The following DCC variants were observed in gnomAD, a reference collection of about 807,000 sequenced individuals.
DCC encodes DCC netrin 1 receptor, also known as netrin receptor DCC.
DCC carries 58 observed loss-of-function variants against 172.5 expected under a neutral mutation model. The ratio of observed to expected loss-of-function variants is 0.34; its 90% confidence interval spans 0.27 to 0.42. The LOEUF (loss-of-function observed/expected upper bound fraction) is 0.42. DCC is among the 10% of genes least tolerant of loss of function. The pLI is 1.00. For synonymous variants in DCC, 709 were observed against 644.5 expected (o/e 1.10, Z -1.52); for missense variants, 1,740 against 1,791.0 (o/e 0.97, Z 0.51).
At chr18:53,357,915 A>G (rs1568079891) in intron 15 of DCC, among the ~76,000 whole-genome samples, 1 of 152,206 alleles carries the variant, frequency 6.6e-6, no homozygotes, top group Non-Finnish European at 1.5e-5. Flanking sequence ...ATTATTTTAT[A>G]ATTTCACGAT....
chr18:52,508,847 A>G (rs1317723804), intron 1 of DCC, among the ~76,000 whole-genome samples: 2 of 152,210 alleles, frequency 1.3e-5, no homozygotes, highest in African/African-American at 4.8e-5. Flanking sequence ...AAAAGGCTAT[A>G]AGAGGGAAGA....
chr18:53,253,630 A>G (rs1423804128), intron 12 of DCC, among the ~76,000 whole-genome samples: 1 of 152,064 alleles, frequency 6.6e-6, no homozygotes, highest in Non-Finnish European at 1.5e-5. Flanking sequence ...AAAATCACTA[A>G]TTAACTATTC....
chr18:53,486,385 C>G (rs561169142), intron 25 of DCC, among the ~76,000 whole-genome samples: 2 of 152,084 alleles, frequency 1.3e-5, no homozygotes, highest in Non-Finnish European at 2.9e-5. Flanking sequence ...ATGGAAAATT[C>G]CCAACATTTT....
At chr18:53,276,801 G>A (rs757797809) in intron 12 of DCC, among the ~76,000 whole-genome samples, 7 of 152,112 alleles carry the variant, frequency 4.6e-5, no homozygotes, top group Non-Finnish European at 7.4e-5. Context: ...TGGGTTTAAG[G>A]TAGTAAAGAA....
At chr18:53,139,903 C>A (rs999017313) in intron 7 of DCC, among the ~76,000 whole-genome samples, 1 of 152,172 alleles carries the variant, frequency 6.6e-6, no homozygotes, top group Non-Finnish European at 1.5e-5. Context: ...TTGAGTCAGT[C>A]ACCAAGGAGG....
At chr18:52,549,373 C>T (rs2032700880) in intron 1 of DCC, among the ~76,000 whole-genome samples, 1 of 151,992 alleles carries the variant, frequency 6.6e-6, no homozygotes, top group South Asian at 2.1e-4. Flanking sequence ...CATGCAGTTG[C>T]TATTCTCTTA....
chr18:53,272,482 G>T (rs1568404843), intron 12 of DCC, among the ~76,000 whole-genome samples: 1 of 152,080 alleles, frequency 6.6e-6, no homozygotes, highest in Non-Finnish European at 1.5e-5. Context: ...TTTCAAAGAG[G>T]TATGCGTATT....
chr18:53,126,241 CTTG>C (rs1416337010), intron 7 of DCC, among the ~76,000 whole-genome samples: 1 of 152,048 alleles, frequency 6.6e-6, no homozygotes, highest in Non-Finnish European at 1.5e-5. Context: ...CATAAGACTT[CTTG>C]TTGTAAGCAT....
intron 1 of DCC, among the ~76,000 whole-genome samples, chr18:52,700,824 G>C (rs549472800): frequency 2.2e-4 from 34 of 152,324 alleles, no homozygotes; most frequent in African/African-American, 8.2e-4. Flanking sequence ...CCAGGACAGA[G>C]AGTAATTGTT....
chr18:53,247,328 G>A (rs921986437), intron 12 of DCC, among the ~76,000 whole-genome samples: 9 of 152,082 alleles, frequency 5.9e-5, no homozygotes, highest in African/African-American at 1.4e-4. Flanking sequence ...AGAAGACACC[G>A]TGTGGTGAGT....
At position 53,450,587 on chromosome 18, in the gene DCC, T is replaced by C. The variant is rs769699605; in HGVS notation, c.3317T>C (p.Val1106Ala). The C allele has an allele frequency of 1.1e-5, 18 of 1,612,300 alleles. No homozygotes were observed. In the East Asian group the frequency reaches 2.9e-4, roughly 26 times the overall value. Reference protein sequence around the residue: ...SNLLVIIVVTVGVITVLVVVI... With the variant: ...SNLLVIIVVTAGVITVLVVVI... ...CTGCTTGTGATCATTGTGGTCACCG[T>C]TGGTGTCATCACAGTGCTGGTAGTG... The change falls in exon 23 of 29, where the codon GTT becomes GCT. Residue 1106 changes from valine (V) to alanine (A), a missense_variant. Physicochemically the swap from Val to Ala is moderately conservative, Grantham distance 64. Coordinates refer to ENST00000442544, the MANE Select transcript of DCC (RefSeq NM_005215.4).
intron 2 of DCC, among the ~76,000 whole-genome samples, chr18:52,771,866 C>T (rs1402121032): frequency 3.4e-5 from 2 of 59,566 alleles, no homozygotes; most frequent in Admixed American, 4.9e-4. Flanking sequence ...TCTGTAGAAA[C>T]TTGTGAAAAA....
At chr18:53,309,023 C>T (rs1317509408) in intron 13 of DCC, among the ~76,000 whole-genome samples, 1 of 151,948 alleles carries the variant, frequency 6.6e-6, no homozygotes. Context: ...TCTGTGTTCT[C>T]TCCTCTTCCT....
intron 2 of DCC, among the ~76,000 whole-genome samples, chr18:52,901,347 C>T (rs6508176): frequency 0.41 from 62,365 of 151,856 alleles, 13,495 homozygotes; most frequent in South Asian, 0.65. Context: ...GTAGGAGAAT[C>T]GCTTGAACCA....
intron 2 of DCC, among the ~76,000 whole-genome samples, chr18:52,789,760 G>T (rs1169333409): frequency 6.6e-6 from 1 of 152,100 alleles, no homozygotes; most frequent in East Asian, 1.9e-4. Context: ...TTTGTTTCCA[G>T]CCCCTAAGCT....
intron 5 of DCC, among the ~76,000 whole-genome samples, chr18:53,019,063 A>C (rs1356586035): frequency 1.3e-5 from 2 of 152,198 alleles, no homozygotes; most frequent in Non-Finnish European, 2.9e-5. Flanking sequence ...TACTTTAATC[A>C]GTGGTTAAAA....
chr18:53,221,064 C>T (rs1002007857), intron 12 of DCC, among the ~76,000 whole-genome samples: 6 of 152,116 alleles, frequency 3.9e-5, no homozygotes, highest in South Asian at 2.1e-4. Flanking sequence ...TTGGGTAGAA[C>T]TCATCTTCAG....
chr18:53,395,632 T>G (rs571908350), intron 17 of DCC, among the ~76,000 whole-genome samples: 2 of 152,230 alleles, frequency 1.3e-5, no homozygotes, highest in Non-Finnish European at 2.9e-5. Context: ...GGCATATATT[T>G]TTACAGGTTT....
Position 53,099,943 on chromosome 18 carries a change from C to CTTT in DCC, c.1261+33792_1261+33794dup, listed in dbSNP as rs533618559. On this transcript the variant is annotated intron_variant, in intron 7 of 28. Coordinates refer to ENST00000442544, the MANE Select transcript of DCC (RefSeq NM_005215.4). Reference sequence around the variant, plus strand: ...GACTTTTCTTTTCTTTTCTTTCTTTCTTTTTTTTTTTTTTTTTGTTTGAGA... The same window carrying CTTT: ...GACTTTTCTTTTCTTTTCTTTCTTTCTTTTTTTTTTTTTTTTTTTTGTTTGAGA... 1.9e-3 allele frequency among the ~76,000 whole-genome samples: 174 copies of CTTT among 92,660 alleles called. 6 individuals are homozygous for CTTT. Among genetic ancestry groups the CTTT allele is most frequent in the African/African-American group, 6.8e-3 (137 of 20,004 alleles). 60.8% of individuals were successfully genotyped at this position (92,660 alleles called of 152,430 possible).
Sources: allele counts gnomAD v4.1 joint callset (sites outside exome capture counted in the v4.1 genomes callset), GRCh38; gene constraint gnomAD v4.1.1; transcripts MANE v1.5; gene names NCBI Gene and HGNC (gene_info 2026-07-23, HGNC 2026-07-21).